APBB2: variants seen among roughly 807,000 people sequenced by gnomAD.
APBB2 encodes Fe65-like 1.
In APBB2, 38 loss-of-function variants were observed where a neutral mutation model predicts 82.5. The ratio of observed to expected loss-of-function variants is 0.46; its 90% CI spans 0.36 to 0.60. The LOEUF (loss-of-function observed/expected upper bound fraction) is 0.60. Among genes scored for constraint, APBB2 ranks in the 20% least tolerant of loss-of-function variants. APBB2 has a pLI of 0.00. For missense variants in APBB2, 772 were observed against 972.3 expected (o/e 0.79, Z 2.74); for synonymous variants, 341 against 368.2 (o/e 0.93, Z 0.85).
Position 41,013,980 on chromosome 4 carries a change from C to G in APBB2, c.438G>C (p.Ser146=), listed in dbSNP as rs778240657. The change falls in exon 6 of 18, where the codon TCG becomes TCC. Residue 146 remains serine (S), a synonymous_variant. Coordinates refer to ENST00000508593, the MANE Select transcript of APBB2 (RefSeq NM_004307.2). ...GCTGGGAGGGTAAAATCTCACAGCT[C>G]GAGGAATCCTGTGGGTGGGGCTCTT... ...EGKEPHPQDS[S]SCEILPSQPR... 5 of 1,614,094 alleles carry G rather than the reference C, an allele frequency of 3.1e-6. No individual in the cohort carries two copies. Among genetic ancestry groups the G allele is most frequent in the Admixed American group, 3.3e-5 (2 of 60,016 alleles).
Position 40,830,611 on chromosome 4 carries a change from G to C in APBB2, c.1530-34C>G, listed in dbSNP as rs776857288. The C allele has an allele frequency of 9.1e-6, 12 of 1,323,958 alleles. No individual in the cohort carries two copies. The East Asian group carries it at 2.5e-4, about 28-fold the overall frequency. The allele number at this position is 1,323,958 out of a possible 1,614,324, so 82.0% of individuals were successfully genotyped here. ...GCAAAATGTATCAGTCCATTAGTAA[G>C]AGAAGCTGATTACCAACACATACTT... On this transcript the variant is annotated intron_variant, in intron 12 of 17. Coordinates refer to ENST00000508593, the MANE Select transcript of APBB2 (RefSeq NM_004307.2).
intron 2 of APBB2, among the ~76,000 whole-genome samples, chr4:41,124,079 G>C (rs760393125): frequency 6.6e-6 from 1 of 152,122 alleles, no homozygotes; most frequent in Non-Finnish European, 1.5e-5. Flanking sequence ...ATACAGTGCG[G>C]AATATCCTCA....
chr4:40,908,806 T>C (rs1458880812), intron 10 of APBB2, among the ~76,000 whole-genome samples: 1 of 152,206 alleles, frequency 6.6e-6, no homozygotes, highest in Non-Finnish European at 1.5e-5. Context: ...AGCCCGCCAC[T>C]GCAGGAACCA....
At chr4:40,987,758 T>TAA (rs1800774778) in intron 6 of APBB2, among the ~76,000 whole-genome samples, 1 of 152,326 alleles carries the variant, frequency 6.6e-6, no homozygotes, top group East Asian at 1.9e-4. Context: ...AGAACTCTTT[T>TAA]AAACTATAAA....
intron 12 of APBB2, among the ~76,000 whole-genome samples, chr4:40,866,609 G>C (rs1309437344): frequency 6.6e-6 from 1 of 152,060 alleles, no homozygotes; most frequent in Non-Finnish European, 1.5e-5. Flanking sequence ...CTTCAGTGTT[G>C]AGTTTAAATA....
chr4:41,103,855 C>T (rs1560760295), intron 2 of APBB2, among the ~76,000 whole-genome samples: 1 of 152,144 alleles, frequency 6.6e-6, no homozygotes, highest in Non-Finnish European at 1.5e-5. Flanking sequence ...TCCAGTCATG[C>T]GGCTGGACCT....
chr4:41,120,346 G>T (rs887644532), intron 2 of APBB2, among the ~76,000 whole-genome samples: 4 of 152,130 alleles, frequency 2.6e-5, no homozygotes, highest in Admixed American at 6.5e-5. Flanking sequence ...AGGTCCCGCT[G>T]TGTTAACAAA....
chr4:40,989,263 A>C (rs1309043530), intron 6 of APBB2, among the ~76,000 whole-genome samples: 1 of 152,148 alleles, frequency 6.6e-6, no homozygotes, highest in Non-Finnish European at 1.5e-5. Flanking sequence ...AGCAAAGCTC[A>C]GAGAGAATCG....
chr4:41,141,842 G>A (rs766332048), intron 2 of APBB2, among the ~76,000 whole-genome samples: 3 of 152,066 alleles, frequency 2.0e-5, no homozygotes, highest in African/African-American at 4.8e-5. Flanking sequence ...TCACAAGAAC[G>A]GCACAGGAAA....
intron 4 of APBB2, among the ~76,000 whole-genome samples, chr4:41,059,429 C>T (rs6851696): frequency 0.076 from 11,605 of 152,332 alleles, 1,460 homozygotes; most frequent in African/African-American, 0.26. Context: ...CATAAACTGG[C>T]CCCAAGACTG....
At chr4:40,861,167 A>G (rs1417920279) in intron 12 of APBB2, among the ~76,000 whole-genome samples, 3 of 151,982 alleles carry the variant, frequency 2.0e-5, no homozygotes, top group Non-Finnish European at 4.4e-5. Context: ...CCTGGCAAAC[A>G]TGGTGGAACC....
At chr4:41,156,116 G>T (rs1027096152) in intron 1 of APBB2, among the ~76,000 whole-genome samples, 1 of 151,278 alleles carries the variant, frequency 6.6e-6, no homozygotes, top group East Asian at 1.9e-4. Context: ...CCTGAACTTT[G>T]TAAAAATTAC....
chr4:41,135,169 CAAA>C lies in APBB2; in HGVS notation c.-261+7815_-261+7817del, dbSNP rs5857778. On this transcript the variant is annotated intron_variant, in intron 2 of 17. Transcript: ENST00000508593. ...GTAACAAACTATATCCTTGAGCCCT[CAAA>C]AAAAAAAAAAAAAAAAAAATCACCC... Among the ~76,000 whole-genome samples, 803 of 99,538 alleles carry C rather than the reference CAAA, an allele frequency of 8.1e-3. 9 individuals are homozygous for C. The highest frequency in any genetic ancestry group is 0.029 in the African/African-American group (761 of 26,144). 65.3% of individuals were successfully genotyped at this position (99,538 alleles called of 152,430 possible).
At chr4:41,000,241 AAC>A (rs1182490946) in intron 6 of APBB2, among the ~76,000 whole-genome samples, 1 of 151,738 alleles carries the variant, frequency 6.6e-6, no homozygotes, top group Non-Finnish European at 1.5e-5. Context: ...CAGCCTGGGC[AAC>A]AGAGTGAGAC....
chr4:40,989,087 A>G (rs566970984), intron 6 of APBB2, among the ~76,000 whole-genome samples: 2 of 152,204 alleles, frequency 1.3e-5, no homozygotes, highest in Non-Finnish European at 2.9e-5. Context: ...AGAATTTGCA[A>G]TGTTCATAAA....
At chr4:41,054,808 G>A (rs781588902) in intron 4 of APBB2, among the ~76,000 whole-genome samples, 21 of 151,878 alleles carry the variant, frequency 1.4e-4, no homozygotes, top group Non-Finnish European at 3.1e-4. Flanking sequence ...TATTCCCCAG[G>A]CAGAAAAGCC....
chr4:41,060,071 G>A (rs1729282641), intron 4 of APBB2, among the ~76,000 whole-genome samples: 1 of 152,062 alleles, frequency 6.6e-6, no homozygotes, highest in South Asian at 2.1e-4. Flanking sequence ...TGAGAAAGTG[G>A]GGGATTTGCA....
intron 10 of APBB2, 31 bp downstream of exon 10, chr4:40,934,425 A>G: frequency 6.3e-7 from 1 of 1,599,040 alleles, no homozygotes; most frequent in South Asian, 1.1e-5. Flanking sequence ...TAAGAATATA[A>G]CCTGGTGGCT....
intron 1 of APBB2, among the ~76,000 whole-genome samples, chr4:41,179,948 G>T (rs543056206): frequency 2.0e-5 from 3 of 152,232 alleles, no homozygotes; most frequent in Non-Finnish European, 4.4e-5. Flanking sequence ...AATGGTACTT[G>T]ATAACGTGTT....
Sources: gnomAD v4.1 joint callset for allele counts (sites outside exome capture counted in the v4.1 genomes callset) on GRCh38, gnomAD v4.1.1 for gene constraint, MANE v1.5 for transcripts, NCBI Gene and HGNC (gene_info 2026-07-23, HGNC 2026-07-21) for gene names.